WDR7: variants seen among roughly 807,000 people sequenced by gnomAD.
WDR7 encodes the protein WD repeat-containing protein 7.
WDR7 carries 46 observed loss-of-function variants against 169.4 expected under a neutral mutation model. The ratio of observed to expected loss-of-function variants is 0.27; its 90% CI spans 0.21 to 0.35. The LOEUF (loss-of-function observed/expected upper bound fraction) is 0.35, where lower values mean the gene tolerates loss of function less well. Ranked by LOEUF, WDR7 falls within the 10% of genes least tolerant of loss-of-function variation. WDR7 has a pLI of 1.00. For missense variants in WDR7, 1,534 were observed against 1,859.3 expected (o/e 0.83, Z 3.22); for synonymous variants, 612 against 666.8 (o/e 0.92, Z 1.27).
At chr18:56,804,380 A>G (rs1275259797) in intron 19 of WDR7, among the ~76,000 whole-genome samples, 1 of 152,250 alleles carries the variant, frequency 6.6e-6, no homozygotes, top group Non-Finnish European at 1.5e-5. Context: ...TCCTGAAAAT[A>G]TAATTCTGGA....
intron 21 of WDR7, among the ~76,000 whole-genome samples, chr18:56,895,765 A>C (rs1353042215): frequency 1.3e-5 from 2 of 151,846 alleles, no homozygotes; most frequent in Non-Finnish European, 3.0e-5. Context: ...TATACTACCG[A>C]GGGAACTAAA....
chr18:56,863,066 T>C (rs1038686860), intron 20 of WDR7, among the ~76,000 whole-genome samples: 2 of 151,888 alleles, frequency 1.3e-5, no homozygotes, highest in Non-Finnish European at 3.0e-5. Flanking sequence ...TTGCTTTTAT[T>C]GATCATGTTT....
intron 19 of WDR7, among the ~76,000 whole-genome samples, chr18:56,789,872 G>A (rs2044458066): frequency 6.6e-6 from 1 of 152,130 alleles, no homozygotes; most frequent in Non-Finnish European, 1.5e-5. Flanking sequence ...AAGTCTAAGA[G>A]GACTGTTTTA....
At chr18:57,029,883 T>C (rs1787476), downstream of WDR7, 137,274 of 152,302 alleles carry the variant, frequency 0.9, 62,058 homozygotes, top group East Asian at 0.99. Context: ...GCCCTGCTGC[T>C]TCTAATCATT....
intron 25 of WDR7, among the ~76,000 whole-genome samples, chr18:56,940,058 C>T (rs1186238259): frequency 6.6e-6 from 1 of 151,876 alleles, no homozygotes; most frequent in East Asian, 1.9e-4. Context: ...TCTCAAAATG[C>T]TTATAGATTG....
At chr18:56,772,968 G>A (rs1005222507) in intron 16 of WDR7, among the ~76,000 whole-genome samples, 1 of 152,090 alleles carries the variant, frequency 6.6e-6, no homozygotes, top group African/African-American at 2.4e-5. Flanking sequence ...CATACTTGGG[G>A]ATGGGGCAGG....
intron 13 of WDR7, among the ~76,000 whole-genome samples, chr18:56,724,209 A>ATTTT (rs58382196): frequency 5.1e-5 from 5 of 98,010 alleles, no homozygotes; most frequent in South Asian, 3.3e-4. Context: ...ATGCCTGGTA[A>ATTTT]TTTTTTTTTT....
At chr18:56,774,816 C>A (rs1233817571) in intron 16 of WDR7, among the ~76,000 whole-genome samples, 2 of 151,954 alleles carry the variant, frequency 1.3e-5, no homozygotes, top group East Asian at 1.9e-4. Flanking sequence ...CATAGTAAAT[C>A]TGATTCTTTG....
intron 12 of WDR7, among the ~76,000 whole-genome samples, chr18:56,708,885 C>T (rs536704059): frequency 5.5e-4 from 83 of 151,970 alleles, no homozygotes; most frequent in Non-Finnish European, 1.0e-3. Context: ...TGCAGTGAGC[C>T]GAGATCGTGC....
intron 23 of WDR7, among the ~76,000 whole-genome samples, chr18:56,938,129 G>T (rs756648087): frequency 1.3e-5 from 2 of 152,066 alleles, no homozygotes; most frequent in African/African-American, 4.8e-5. Context: ...AGTATAAGTC[G>T]GGTCATGCAT....
rs568253934 is a variant in WDR7 at position 56,760,442 on chromosome 18, A to G, written c.2848+1489A>G. Among the ~76,000 whole-genome samples the G allele has an allele frequency of 3.3e-5, 5 of 152,322 alleles. No individual in the cohort carries two copies. The East Asian group carries it at 9.6e-4, about 29-fold the overall frequency. On this transcript the variant is annotated intron_variant, in intron 16 of 27. Coordinates refer to ENST00000254442, the MANE Select transcript of WDR7 (RefSeq NM_015285.3). Reference sequence around the variant, plus strand: ...TTTAAGTTTTATATAAATTTAGTCAATTAAACAGTATATATTTTGTGCTTG... The same window carrying G: ...TTTAAGTTTTATATAAATTTAGTCAGTTAAACAGTATATATTTTGTGCTTG...
At chr18:56,852,326 G>T (rs1275228118) in intron 20 of WDR7, among the ~76,000 whole-genome samples, 8 of 152,124 alleles carry the variant, frequency 5.3e-5, no homozygotes, top group African/African-American at 1.9e-4. Flanking sequence ...GCGTGATTTG[G>T]AATTAGCTTC....
At chr18:56,779,319 A>G (rs1344753017) in intron 17 of WDR7, 112 bp from the exon 18 acceptor site, 2 of 673,692 alleles carry the variant, frequency 3.0e-6, no homozygotes, top group South Asian at 2.8e-5. Flanking sequence ...CATTTGTAAT[A>G]TAACTTAGCA....
At chr18:56,656,679 A>G (rs764406749) in intron 1 of WDR7, among the ~76,000 whole-genome samples, 1 of 151,694 alleles carries the variant, frequency 6.6e-6, no homozygotes, top group Non-Finnish European at 1.5e-5. Context: ...AATATCTGGT[A>G]GAGCACTTTC....
At chr18:56,721,999 T>A (rs753853517) in intron 13 of WDR7, among the ~76,000 whole-genome samples, 2 of 152,228 alleles carry the variant, frequency 1.3e-5, no homozygotes, top group Non-Finnish European at 2.9e-5. Context: ...CTTTTTATGT[T>A]CTGCACTCCA....
intron 25 of WDR7, among the ~76,000 whole-genome samples, chr18:56,956,009 T>G (rs1457818762): frequency 1.3e-5 from 2 of 152,158 alleles, no homozygotes; most frequent in Non-Finnish European, 2.9e-5. Flanking sequence ...TTGATCTTGC[T>G]TGTAACATGC....
chr18:56,923,820 T>TA, intron 21 of WDR7, 102 bp from the exon 22 acceptor site: 1 of 1,219,436 alleles, frequency 8.2e-7, no homozygotes, highest in Non-Finnish European at 1.1e-6. Context: ...CTTTTTCAGT[T>TA]AAAAAATCAA....
intron 21 of WDR7, among the ~76,000 whole-genome samples, chr18:56,918,096 G>A (rs2046653748): frequency 6.6e-6 from 1 of 152,160 alleles, no homozygotes; most frequent in African/African-American, 2.4e-5. Context: ...CTGCATTTCG[G>A]TAGTTTATTT....
At chr18:56,967,804 C>T (rs1599202674) in intron 26 of WDR7, among the ~76,000 whole-genome samples, 1 of 152,198 alleles carries the variant, frequency 6.6e-6, no homozygotes, top group Non-Finnish European at 1.5e-5. Context: ...GAGGCATTTA[C>T]ATTTAACAAA....
Sources: allele counts gnomAD v4.1 joint callset (sites outside exome capture counted in the v4.1 genomes callset), GRCh38; gene constraint gnomAD v4.1.1; transcripts MANE v1.5; gene names NCBI Gene and HGNC (gene_info 2026-07-23, HGNC 2026-07-21).